KLHL29: variants seen among roughly 807,000 people sequenced by gnomAD.
KLHL29 encodes kelch like family member 29, also known as kelch-like protein 29.
A neutral mutation model predicts 80.4 loss-of-function variants in KLHL29; 21 were observed. That is an observed-to-expected ratio of 0.26 (90% CI 0.19 to 0.38). KLHL29 has a LOEUF of 0.38. KLHL29 is among the 10% of genes least tolerant of loss of function. The pLI, the probability that KLHL29 is intolerant of heterozygous loss-of-function variation, is 1.00. For synonymous variants in KLHL29, 511 were observed against 526.8 expected, an observed-to-expected ratio of 0.97 and a Z score of 0.41; for missense variants, 867 against 1,223.9, an observed-to-expected ratio of 0.71 and a Z score of 4.35.
intron 3 of KLHL29, among the ~76,000 whole-genome samples, chr2:23,611,653 T>C (rs1668873890): frequency 6.6e-6 from 1 of 152,104 alleles, no homozygotes; most frequent in African/African-American, 2.4e-5. Flanking sequence ...CAATAACAAA[T>C]ATCAGTAGAA....
chr2:23,630,443 C>G (rs541725556), intron 3 of KLHL29, among the ~76,000 whole-genome samples: 5 of 152,272 alleles, frequency 3.3e-5, no homozygotes, highest in African/African-American at 1.2e-4. Context: ...AAATAGTAGA[C>G]CCGGGTTAGA....
chr2:23,432,832 G>A (rs1390993973), intron 1 of KLHL29, among the ~76,000 whole-genome samples: 1 of 152,216 alleles, frequency 6.6e-6, no homozygotes, highest in Non-Finnish European at 1.5e-5. Flanking sequence ...GAAGTTGGCT[G>A]GAGCCAGGTC....
At chr2:23,415,802 G>A (rs980416353) in intron 1 of KLHL29, among the ~76,000 whole-genome samples, 2 of 151,922 alleles carry the variant, frequency 1.3e-5, no homozygotes, top group African/African-American at 2.4e-5. Flanking sequence ...GGGCTCAGGC[G>A]ATCCTCACAC....
At chr2:23,522,796 A>G (rs1284449192) in intron 2 of KLHL29, among the ~76,000 whole-genome samples, 1 of 152,008 alleles carries the variant, frequency 6.6e-6, no homozygotes, top group African/African-American at 2.4e-5. Flanking sequence ...AAAGCCATCT[A>G]CCACCTCCAG....
rs528737806 is a variant in KLHL29 at position 23,412,790 on chromosome 2, A to G, written c.-154+27010A>G. On this transcript the variant is annotated intron_variant, in intron 1 of 13. Coordinates refer to ENST00000486442, the MANE Select transcript of KLHL29 (RefSeq NM_052920.2). ...TGGTCCACGGGATGCTATGAGGACC[A>G]CTTGTCTCCTCCGCAAGAAGCTCGC... Among the ~76,000 whole-genome samples, 30 of 152,260 alleles carry G rather than the reference A, an allele frequency of 2.0e-4. 3 individuals carry two copies. The South Asian group carries it at 6.0e-3, about 31-fold the overall frequency.
intron 5 of KLHL29, among the ~76,000 whole-genome samples, chr2:23,676,215 C>T (rs1450304381): frequency 6.6e-6 from 1 of 151,816 alleles, no homozygotes; most frequent in African/African-American, 2.4e-5. Flanking sequence ...ACAGAGTCTG[C>T]TCTGTCGCCT....
At chr2:23,583,330 C>T (rs182270016) in intron 3 of KLHL29, among the ~76,000 whole-genome samples, 265 of 152,356 alleles carry the variant, frequency 1.7e-3, no homozygotes, top group South Asian at 5.8e-3. Flanking sequence ...TTTTGCAAAA[C>T]ATGCTCTTGA....
rs550190311 is a variant in KLHL29, at chr2:23,687,725, G to A, written c.1079+3188G>A. Among the ~76,000 whole-genome samples, 5 of 152,308 alleles carry A rather than the reference G, an allele frequency of 3.3e-5. No individual in the cohort carries two copies. In the South Asian group the frequency reaches 6.2e-4, roughly 19 times the overall value. Reference sequence around the variant, plus strand: ...ATGAAGAATGGGCATTGTCCGGGCAGACAAGTGGGGAAGAGCAAGGTCGAA... The same window carrying A: ...ATGAAGAATGGGCATTGTCCGGGCAAACAAGTGGGGAAGAGCAAGGTCGAA... On this transcript the variant is annotated intron_variant, in intron 6 of 13. Coordinates refer to ENST00000486442, the MANE Select transcript of KLHL29 (RefSeq NM_052920.2).
chr2:23,631,651 G>A (rs1669472660), intron 3 of KLHL29, among the ~76,000 whole-genome samples: 1 of 152,232 alleles, frequency 6.6e-6, no homozygotes, highest in Admixed American at 6.5e-5. Flanking sequence ...GGATTTAACT[G>A]CGATTATCTT....
intron 13 of KLHL29, among the ~76,000 whole-genome samples, chr2:23,704,082 GC>G (rs1423055525): frequency 1.3e-5 from 2 of 152,210 alleles, no homozygotes; most frequent in East Asian, 3.9e-4. Context: ...GCTCCAGCTG[GC>G]CCCAGCTCCA....
At position 23,539,431 on chromosome 2, in the gene KLHL29, C is replaced by CTTTTTTT. The variant is rs1666768797; in HGVS notation, c.-45-22721_-45-22720insTTTTTTT. Among the ~76,000 whole-genome samples the CTTTTTTT allele has an allele frequency of 1.0e-4, 11 of 107,216 alleles. 4 individuals are homozygous for CTTTTTTT. Among genetic ancestry groups the CTTTTTTT allele is most frequent in the Admixed American group, 2.0e-4 (2 of 9,846 alleles). The allele number at this position is 107,216 out of a possible 152,430, so 70.3% of individuals were successfully genotyped here. ...ATGCTTTGCTAGCCTTATCCTGCCT[C>CTTTTTTT]CTTTTTTTTTTTTTTTTTTTTTTTT... On this transcript the variant is annotated intron_variant, in intron 2 of 13. Coordinates refer to ENST00000486442, the MANE Select transcript of KLHL29 (RefSeq NM_052920.2).
chr2:23,687,509 A>C (rs1441820529), intron 6 of KLHL29, among the ~76,000 whole-genome samples: 2 of 152,286 alleles, frequency 1.3e-5, no homozygotes, highest in Non-Finnish European at 2.9e-5. Context: ...CTCAGCAAAC[A>C]CACAGGAGCC....
At chr2:23,633,192 G>A (rs528092566) in intron 3 of KLHL29, among the ~76,000 whole-genome samples, 156 of 152,292 alleles carry the variant, frequency 1.0e-3, no homozygotes, top group East Asian at 3.7e-3. Flanking sequence ...TTTGTCTGGC[G>A]TTGTCCCTGG....
intron 1 of KLHL29, among the ~76,000 whole-genome samples, chr2:23,398,681 T>G (rs932525998): frequency 6.6e-6 from 1 of 152,176 alleles, no homozygotes; most frequent in Admixed American, 6.5e-5. Context: ...TTTCTAGCTG[T>G]TTTCAGAGAA....
intron 3 of KLHL29, among the ~76,000 whole-genome samples, chr2:23,632,631 A>G (rs1266194884): frequency 6.6e-6 from 1 of 152,242 alleles, no homozygotes; most frequent in African/African-American, 2.4e-5. Context: ...GGTGCCCGCA[A>G]CAAATGCACT....
intron 2 of KLHL29, among the ~76,000 whole-genome samples, chr2:23,526,966 G>A (rs905391507): frequency 4.6e-5 from 7 of 152,258 alleles, no homozygotes; most frequent in East Asian, 3.9e-4. Flanking sequence ...TTTCGTGCTC[G>A]GGGTTAGCAT....
chr2:23,387,047 CGCCGCT>C (rs557182952), intron 1 of KLHL29, among the ~76,000 whole-genome samples: 2,600 of 152,246 alleles, frequency 0.017, 27 homozygotes, highest in Non-Finnish European at 0.021. Context: ...CTGCCGCCGC[CGCCGCT>C]GCCATCCCCG....
At chr2:23,670,917 G>GCGCCCT (rs150131401) in intron 5 of KLHL29, among the ~76,000 whole-genome samples, 1 of 18,534 alleles carries the variant, frequency 5.4e-5, no homozygotes, top group African/African-American at 1.6e-4. Flanking sequence ...ACATGCACGC[G>GCGCCCT]CTCTCTCTCT....
chr2:23,620,063 A>G (rs1333970916), intron 3 of KLHL29, among the ~76,000 whole-genome samples: 1 of 152,176 alleles, frequency 6.6e-6, no homozygotes, highest in Non-Finnish European at 1.5e-5. Context: ...CTCCGAGGGG[A>G]GGCCACTGAG....
Sources: allele counts gnomAD v4.1 joint callset (sites outside exome capture counted in the v4.1 genomes callset), GRCh38; gene constraint gnomAD v4.1.1; transcripts MANE v1.5; gene names NCBI Gene and HGNC (gene_info 2026-07-23, HGNC 2026-07-21).